GAP43: variants seen among roughly 807,000 people sequenced by gnomAD.
GAP43 encodes growth associated protein 43, also known as neuromodulin.
GAP43 carries 6 observed loss-of-function variants against 18.6 expected under a neutral mutation model. The ratio of observed to expected loss-of-function variants is 0.32; its 90% confidence interval spans 0.18 to 0.64. The LOEUF (loss-of-function observed/expected upper bound fraction) is 0.64, where lower values mean the gene tolerates loss of function less well. Ranked by LOEUF, GAP43 falls within the 30% of genes least tolerant of loss-of-function variation. GAP43 has a pLI of 0.78. For missense variants in GAP43, 292 were observed against 295.5 expected, an observed-to-expected ratio of 0.99 and a Z score of 0.09; for synonymous variants, 115 against 111.4, an observed-to-expected ratio of 1.03 and a Z score of -0.20.
intron 2 of GAP43, among the ~76,000 whole-genome samples, chr3:115,690,610 G>A (rs1399978775): frequency 2.0e-5 from 3 of 151,990 alleles, no homozygotes; most frequent in Non-Finnish European, 4.4e-5. Context: ...CATATTTAAA[G>A]AACCAGGTAT....
intron 1 of GAP43, among the ~76,000 whole-genome samples, chr3:115,665,252 C>T (rs1387153710): frequency 1.3e-5 from 2 of 152,124 alleles, no homozygotes; most frequent in Non-Finnish European, 2.9e-5. Flanking sequence ...CTGGAGCCAC[C>T]CCCTTCAGAA....
chr3:115,659,689 T>C (rs1458273065), intron 1 of GAP43, among the ~76,000 whole-genome samples: 5 of 152,050 alleles, frequency 3.3e-5, no homozygotes, highest in African/African-American at 9.6e-5. Context: ...TGGGTCCCCA[T>C]CCCTAAAAGC....
intron 1 of GAP43, among the ~76,000 whole-genome samples, chr3:115,654,203 T>G (rs562937888): frequency 6.6e-6 from 1 of 152,342 alleles, no homozygotes; most frequent in African/African-American, 2.4e-5. Context: ...TAAAACAGAA[T>G]TGCCTGGTGC....
intron 1 of GAP43, among the ~76,000 whole-genome samples, chr3:115,648,755 G>A (rs7643482): frequency 0.59 from 88,896 of 151,926 alleles, 27,360 homozygotes; most frequent in Admixed American, 0.67. Flanking sequence ...TCACCCTTCA[G>A]TGGCAGAAGA....
chr3:115,714,069 C>T (rs1161426075), intron 2 of GAP43, among the ~76,000 whole-genome samples: 1 of 152,128 alleles, frequency 6.6e-6, no homozygotes, highest in East Asian at 1.9e-4. Flanking sequence ...ATTCCAATAA[C>T]TTAGAGGTTT....
At chr3:115,691,886 A>G (rs1709119800) in intron 2 of GAP43, among the ~76,000 whole-genome samples, 2 of 151,986 alleles carry the variant, frequency 1.3e-5, no homozygotes, top group East Asian at 1.9e-4. Flanking sequence ...AAAGGTTGGG[A>G]TACCTTAAGG....
rs532985655 is a variant in GAP43 at position 115,719,139 on chromosome 3, T to TAACA, written c.629-1652_629-1649dup. Among the ~76,000 whole-genome samples, 39 of 152,282 alleles carry TAACA rather than the reference T, an allele frequency of 2.6e-4. No homozygotes were observed. In the East Asian group the frequency reaches 7.1e-3, roughly 28 times the overall value. ...CTAATTAAACACAAATTTGTTAGCC[T>TAACA]AACAAAATTACATGGACTCCAGTTT... On this transcript the variant is annotated intron_variant, in intron 2 of 2. Transcript: ENST00000305124.
chr3:115,628,916 A>C (rs1004295636), intron 1 of GAP43, among the ~76,000 whole-genome samples: 6 of 152,160 alleles, frequency 3.9e-5, no homozygotes, highest in African/African-American at 1.4e-4. Flanking sequence ...TCTTGGTCTA[A>C]GTGCTTCATT....
chr3:115,646,035 A>C (rs56703945), intron 1 of GAP43, among the ~76,000 whole-genome samples: 1 of 152,106 alleles, frequency 6.6e-6, no homozygotes. Context: ...AAGTTTTAAA[A>C]TTTAAAATAT....
At chr3:115,713,174 A>G (rs2918076) in intron 2 of GAP43, among the ~76,000 whole-genome samples, 1 of 151,876 alleles carries the variant, frequency 6.6e-6, no homozygotes, top group African/African-American at 2.4e-5. Flanking sequence ...AAAGATTTTT[A>G]TTATTATTAT....
chr3:115,712,143 AT>A (rs1399846710), intron 2 of GAP43, among the ~76,000 whole-genome samples: 2 of 152,158 alleles, frequency 1.3e-5, no homozygotes, highest in African/African-American at 4.8e-5. Flanking sequence ...TTTTAAAAAA[AT>A]ATCTCTGGGT....
chr3:115,663,131 A>G (rs1014562677), intron 1 of GAP43, among the ~76,000 whole-genome samples: 1 of 152,216 alleles, frequency 6.6e-6, no homozygotes, highest in African/African-American at 2.4e-5. Flanking sequence ...CCTATGCTGC[A>G]TAAATAATAT....
intron 2 of GAP43, among the ~76,000 whole-genome samples, chr3:115,698,068 A>G (rs1279191474): frequency 1.6e-5 from 1 of 62,978 alleles, no homozygotes; most frequent in East Asian, 4.4e-4. Context: ...AATATATATT[A>G]TATATAATAT....
intron 2 of GAP43, among the ~76,000 whole-genome samples, chr3:115,712,581 A>G (rs1013339848): frequency 6.6e-6 from 1 of 152,230 alleles, no homozygotes; most frequent in Non-Finnish European, 1.5e-5. Flanking sequence ...GATTTTATAA[A>G]GCACTTTCAA....
intron 1 of GAP43, among the ~76,000 whole-genome samples, chr3:115,662,161 A>G (rs536531073): frequency 6.6e-6 from 1 of 152,314 alleles, no homozygotes; most frequent in East Asian, 1.9e-4. Flanking sequence ...ACCTTAAAAT[A>G]TGAGAATAGT....
intron 1 of GAP43, among the ~76,000 whole-genome samples, chr3:115,635,866 G>A (rs1708322043): frequency 6.6e-6 from 1 of 152,006 alleles, no homozygotes; most frequent in Non-Finnish European, 1.5e-5. Flanking sequence ...TGCTGTCATG[G>A]TTGTTGCCAT....
intron 1 of GAP43, among the ~76,000 whole-genome samples, chr3:115,625,474 A>G (rs1297851091): frequency 6.6e-6 from 1 of 152,158 alleles, no homozygotes; most frequent in Non-Finnish European, 1.5e-5. Context: ...TCCTGAGGTT[A>G]TTTCACTGGT....
intron 2 of GAP43, among the ~76,000 whole-genome samples, chr3:115,686,533 A>G (rs1259810231): frequency 2.0e-5 from 3 of 152,134 alleles, no homozygotes; most frequent in Non-Finnish European, 4.4e-5. Context: ...TTTTTAAAGG[A>G]AAGTGCATAA....
At chr3:115,700,967 C>T (rs994203289) in intron 2 of GAP43, among the ~76,000 whole-genome samples, 13 of 152,096 alleles carry the variant, frequency 8.5e-5, no homozygotes, top group Non-Finnish European at 1.9e-4. Flanking sequence ...AAACATGACC[C>T]AGTCAAATGA....
Sources: allele counts gnomAD v4.1 joint callset (sites outside exome capture counted in the v4.1 genomes callset), GRCh38; gene constraint gnomAD v4.1.1; transcripts MANE v1.5; gene names NCBI Gene and HGNC (gene_info 2026-07-23, HGNC 2026-07-21).